The following SLC2A9 variants were observed in gnomAD, a reference collection of about 807,000 sequenced individuals.
SLC2A9 encodes the protein solute carrier family 2, facilitated glucose transporter member 9.
In SLC2A9, 39 loss-of-function variants were observed where a neutral mutation model predicts 50.6. That is an observed-to-expected ratio of 0.77 (90% CI 0.60 to 1.01). The LOEUF is 1.01. SLC2A9 is among the 50% of genes least tolerant of loss of function. The pLI is 0.00. For missense variants in SLC2A9, 686 were observed against 677.6 expected, an observed-to-expected ratio of 1.01 and a Z score of -0.14; for synonymous variants, 324 against 276.9, an observed-to-expected ratio of 1.17 and a Z score of -1.69.
At chr4:9,963,273 G>T (rs1032364090) in intron 5 of SLC2A9, among the ~76,000 whole-genome samples, 1 of 152,174 alleles carries the variant, frequency 6.6e-6, no homozygotes, top group African/African-American at 2.4e-5. Context: ...TCTCCAACTG[G>T]CCCTGCCCTT....
At chr4:9,866,723 G>C (rs574482636) in intron 10 of SLC2A9, among the ~76,000 whole-genome samples, 2 of 152,286 alleles carry the variant, frequency 1.3e-5, no homozygotes, top group South Asian at 4.2e-4. Flanking sequence ...CACCTTGGAC[G>C]TACTCCCCAT....
At position 9,985,639 on chromosome 4, in the gene SLC2A9, T is replaced by C. The variant is rs965242197; in HGVS notation, c.535+30A>G. 13 of 1,613,824 alleles carry C rather than the reference T, an allele frequency of 8.1e-6. No homozygotes were observed. In the African/African-American group the frequency reaches 1.7e-4, roughly 22 times the overall value. ...GGGACACCCCCAAGGAGTATGTTAC[T>C]GTTCCCTCCCCGTCATGGTGAACTC... On this transcript the variant is annotated intron_variant, in intron 4 of 11. Coordinates refer to ENST00000264784, the MANE Select transcript of SLC2A9 (RefSeq NM_020041.3).
At chr4:9,797,711 T>A (rs1453111801), downstream of SLC2A9, among the ~76,000 whole-genome samples, 1 of 152,234 alleles carries the variant, frequency 6.6e-6, no homozygotes, top group Non-Finnish European at 1.5e-5. Context: ...TGAAAACTTC[T>A]CTGATTCCCT....
At chr4:9,831,096 G>A (rs1252227098) in intron 11 of SLC2A9, among the ~76,000 whole-genome samples, 2 of 152,122 alleles carry the variant, frequency 1.3e-5, no homozygotes, top group Non-Finnish European at 2.9e-5. Context: ...AGAAGCCCAG[G>A]CTTCTTAGGG....
downstream of SLC2A9, among the ~76,000 whole-genome samples, chr4:9,824,289 C>A (rs1724819243): frequency 6.8e-6 from 1 of 146,236 alleles, no homozygotes; most frequent in Non-Finnish European, 1.5e-5. Flanking sequence ...TGACATTGAA[C>A]TCTACAGCCT....
At chr4:9,786,885 C>A (rs1424629529) in intron 3 of SLC2A9, among the ~76,000 whole-genome samples, 1 of 152,122 alleles carries the variant, frequency 6.6e-6, no homozygotes, top group Non-Finnish European at 1.5e-5. Flanking sequence ...GGGTAGAGGC[C>A]AAAGATGTTG....
In SLC2A9 at chr4:9,834,870, G is replaced by A. The variant is rs1560169234; in HGVS notation, c.1419+11C>T. ...GAACCCCATGGGCAAAAGACTCCTT[G>A]TCAGTCATACCTGAATGAATGGGAA... On this transcript the variant is annotated intron_variant, in intron 11 of 11. Coordinates refer to ENST00000264784, the MANE Select transcript of SLC2A9 (RefSeq NM_020041.3). 6.2e-7 allele frequency: 1 copy of A among 1,614,138 alleles called. No homozygotes were observed. Among genetic ancestry groups the A allele is most frequent in the Admixed American group, 1.7e-5 (1 of 60,016 alleles).
chr4:9,776,902 C>T (rs1020896681), downstream of SLC2A9, among the ~76,000 whole-genome samples: 8 of 152,148 alleles, frequency 5.3e-5, no homozygotes, highest in Non-Finnish European at 7.3e-5. Context: ...CTCTCCCTCC[C>T]GTGGCCACTA....
intron 3 of SLC2A9, among the ~76,000 whole-genome samples, chr4:9,811,499 T>C (rs1264488909): frequency 2.6e-5 from 4 of 152,128 alleles, no homozygotes; most frequent in Non-Finnish European, 2.9e-5. Flanking sequence ...AGGGACCATA[T>C]TGAGAGAAGA....
Position 9,877,311 on chromosome 4 carries a change from C to T in SLC2A9, c.1291+10256G>A, listed in dbSNP as rs767413983. On this transcript the variant is annotated intron_variant, in intron 10 of 11. Transcript: ENST00000264784. ...ATCCCAGGCAGGGAGACCTTGCTGTCTGCTGGCTGAGCTCCCTCTTGGGGC... is the reference window on the plus strand; with the variant it reads ...ATCCCAGGCAGGGAGACCTTGCTGTTTGCTGGCTGAGCTCCCTCTTGGGGC... Among the ~76,000 whole-genome samples the T allele has an allele frequency of 2.0e-5, 3 of 152,228 alleles. No homozygotes were observed. The South Asian group carries it at 6.2e-4, about 31-fold the overall frequency.
chr4:9,904,135 T>A (rs1169360706), intron 8 of SLC2A9, among the ~76,000 whole-genome samples: 1 of 152,132 alleles, frequency 6.6e-6, no homozygotes, highest in Non-Finnish European at 1.5e-5. Flanking sequence ...TGTCAGATGC[T>A]GTATTAGTTT....
At chr4:9,813,403 G>A (rs796735831) in intron 3 of SLC2A9, among the ~76,000 whole-genome samples, 52 of 151,936 alleles carry the variant, frequency 3.4e-4, no homozygotes, top group African/African-American at 1.1e-3. Flanking sequence ...TTCCCTCTTC[G>A]CAGTTTGATG....
At chr4:9,778,912 C>T (rs573140419), downstream of SLC2A9, among the ~76,000 whole-genome samples, 9 of 151,904 alleles carry the variant, frequency 5.9e-5, no homozygotes, top group African/African-American at 1.4e-4. Context: ...CTCTGCCTCC[C>T]GCACACCACC....
rs146868066 is a variant in SLC2A9, at chr4:9,897,844, C to T, written c.1114-7133G>A. ...ACTGGGATGCAAAGGTTGCAGTGAG[C>T]TGAGATTGTGCTACTGCATTCCAGC... On this transcript the variant is annotated intron_variant, in intron 8 of 11. Coordinates refer to ENST00000264784, the MANE Select transcript of SLC2A9 (RefSeq NM_020041.3). Among the ~76,000 whole-genome samples, 234 of 152,248 alleles carry T rather than the reference C, an allele frequency of 1.5e-3. 1 individual carries two copies. Among genetic ancestry groups the T allele is most frequent in the African/African-American group, 5.5e-3 (230 of 41,548 alleles).
intron 3 of SLC2A9, among the ~76,000 whole-genome samples, chr4:9,990,413 T>G (rs1025881321): frequency 6.6e-6 from 1 of 152,092 alleles, no homozygotes; most frequent in African/African-American, 2.4e-5. Context: ...GTTCTTACGT[T>G]GAAGGGCTCC....
At chr4:9,782,241 T>C in intron 3 of SLC2A9, 1 of 1,613,512 alleles carries the variant, frequency 6.2e-7, no homozygotes, top group Non-Finnish European at 8.5e-7. Flanking sequence ...AGCCGCCACC[T>C]GCGCGCCAAC....
At chr4:10,022,357 G>A (rs1003665860), upstream of SLC2A9, among the ~76,000 whole-genome samples, 36 of 152,248 alleles carry the variant, frequency 2.4e-4, no homozygotes, top group African/African-American at 8.7e-4. Context: ...GGGTTTGGAA[G>A]AAAAAGAATT....
intron 2 of SLC2A9, among the ~76,000 whole-genome samples, chr4:10,004,314 C>A (rs1476733921): frequency 1.3e-5 from 2 of 152,164 alleles, no homozygotes; most frequent in Non-Finnish European, 2.9e-5. Flanking sequence ...CCTGCTAGAC[C>A]TCACAGTGCT....
At chr4:10,014,960 G>T (rs948147184) in intron 2 of SLC2A9, among the ~76,000 whole-genome samples, 1 of 152,206 alleles carries the variant, frequency 6.6e-6, no homozygotes, top group Non-Finnish European at 1.5e-5. Context: ...AGAGTTTGGG[G>T]AATGATTCTA....
Sources: gnomAD v4.1 joint callset for allele counts (sites outside exome capture counted in the v4.1 genomes callset) on GRCh38, gnomAD v4.1.1 for gene constraint, MANE v1.5 for transcripts, NCBI Gene and HGNC (gene_info 2026-07-23, HGNC 2026-07-21) for gene names.